The following PEX14 variants were observed in gnomAD, a reference collection of about 807,000 sequenced individuals.
The protein encoded by PEX14 is peroxisomal membrane protein PEX14.
PEX14 carries 15 observed loss-of-function variants against 49.5 expected under a neutral mutation model. That is an observed-to-expected ratio of 0.30 (90% confidence interval 0.20 to 0.47). PEX14 has a LOEUF of 0.47. Among genes scored for constraint, PEX14 ranks in the 20% least tolerant of loss-of-function variants. The pLI, the probability that PEX14 is intolerant of heterozygous loss-of-function variation, is 1.00. For missense variants in PEX14, 398 were observed against 494.8 expected (o/e 0.80, Z 1.86); for synonymous variants, 210 against 212.7 (o/e 0.99, Z 0.11).
intron 3 of PEX14, among the ~76,000 whole-genome samples, chr1:10,558,314 T>C (rs1446666256): frequency 1.3e-5 from 2 of 152,140 alleles, no homozygotes. Flanking sequence ...GGCCTGCTTG[T>C]ATATTTCTTA....
chr1:10,623,342 A>C lies in PEX14; in HGVS notation c.487+221A>C. On this transcript the variant is annotated intron_variant, in intron 6 of 8. Coordinates refer to ENST00000356607, the MANE Select transcript of PEX14 (RefSeq NM_004565.3). This position sits in a 1 kb window ranked among gnomAD's most constrained non-coding sequence, Gnocchi z 4.4. ...CCTCAATTAATTATGTTTTTACGGAAAGGCTCCCAACCTCAGAATATTAAT... is the reference window on the plus strand; with the variant it reads ...CCTCAATTAATTATGTTTTTACGGACAGGCTCCCAACCTCAGAATATTAAT... The C allele has an allele frequency of 1.9e-6, 1 of 514,730 alleles. No individual in the cohort carries two copies. Among genetic ancestry groups the C allele is most frequent in the Admixed American group, 2.9e-5 (1 of 34,410 alleles). The allele number at this position is 514,730 out of a possible 1,614,324, so 31.9% of individuals were successfully genotyped here.
intron 3 of PEX14, among the ~76,000 whole-genome samples, chr1:10,570,136 AT>A (rs538752883): frequency 4.6e-5 from 7 of 150,880 alleles, no homozygotes; most frequent in South Asian, 2.1e-4. Context: ...TCTTCTAATA[AT>A]TTTTTTTTCC....
At chr1:10,488,845 C>T (rs1265683739) in intron 1 of PEX14, among the ~76,000 whole-genome samples, 2 of 152,016 alleles carry the variant, frequency 1.3e-5, no homozygotes, top group East Asian at 1.9e-4. Flanking sequence ...CTTACTGTGA[C>T]ATGTTTTCAT....
chr1:10,626,483 G>C (rs898484387), intron 7 of PEX14, among the ~76,000 whole-genome samples: 22 of 152,268 alleles, frequency 1.4e-4, no homozygotes, highest in African/African-American at 5.1e-4. Context: ...CAGCTGGACT[G>C]CTTGCTGGGG....
intron 1 of PEX14, among the ~76,000 whole-genome samples, chr1:10,482,645 G>C (rs1475000218): frequency 6.6e-6 from 1 of 151,648 alleles, no homozygotes; most frequent in Non-Finnish European, 1.5e-5. Flanking sequence ...TGTTGGCCAG[G>C]ATGGTCTCGA....
chr1:10,533,301 TAAAC>T (rs1638701904), intron 2 of PEX14, among the ~76,000 whole-genome samples: 1 of 152,112 alleles, frequency 6.6e-6, no homozygotes, highest in Non-Finnish European at 1.5e-5. Flanking sequence ...AAGAGGAACA[TAAAC>T]AAGCCCCAAA....
chr1:10,544,664 C>G (rs754592629), intron 3 of PEX14, among the ~76,000 whole-genome samples: 2 of 152,168 alleles, frequency 1.3e-5, no homozygotes, highest in Non-Finnish European at 2.9e-5. Flanking sequence ...TTTCCTCCTA[C>G]CCCTTGGTAA....
chr1:10,518,170 G>A (rs899337725), intron 2 of PEX14, among the ~76,000 whole-genome samples: 6 of 151,964 alleles, frequency 3.9e-5, no homozygotes, highest in African/African-American at 1.5e-4. Flanking sequence ...ATCCCTCTTT[G>A]CTTCTTGTCA....
At chr1:10,547,282 C>G (rs960083992) in intron 3 of PEX14, among the ~76,000 whole-genome samples, 3 of 152,186 alleles carry the variant, frequency 2.0e-5, no homozygotes, top group African/African-American at 7.2e-5. Flanking sequence ...TCCTGCCTGC[C>G]CATCTGCTGA....
intron 1 of PEX14, among the ~76,000 whole-genome samples, chr1:10,486,361 T>G (rs1319971343): frequency 8.1e-6 from 1 of 123,302 alleles, no homozygotes; most frequent in Non-Finnish European, 1.8e-5. Context: ...GTTTGCTGAG[T>G]TTTTTTTTTT....
intron 4 of PEX14, among the ~76,000 whole-genome samples, chr1:10,616,193 G>T (rs1356899537): frequency 6.6e-6 from 1 of 152,098 alleles, no homozygotes; most frequent in Admixed American, 6.5e-5. Context: ...GGGGGAGGGG[G>T]TGTCTCCTTG....
In PEX14 at chr1:10,621,209, A is replaced by C. The variant is rs568818544; in HGVS notation, c.385-1810A>C. Reference sequence around the variant, plus strand: ...GAAATTAAAAAAAAAAAAAAAAAGAAATGGTAAAAAGCCCTCGACTGGCTT... The same window carrying C: ...GAAATTAAAAAAAAAAAAAAAAAGACATGGTAAAAAGCCCTCGACTGGCTT... On this transcript the variant is annotated intron_variant, in intron 5 of 8. Transcript: ENST00000356607. 2.0e-4 allele frequency among the ~76,000 whole-genome samples: 30 copies of C among 152,126 alleles called. No homozygotes were observed. In the East Asian group the frequency reaches 4.2e-3, roughly 22 times the overall value.
At chr1:10,589,879 T>A (rs1640608668) in intron 3 of PEX14, among the ~76,000 whole-genome samples, 1 of 152,248 alleles carries the variant, frequency 6.6e-6, no homozygotes, top group Admixed American at 6.5e-5. Context: ...GGCATCCTCT[T>A]GTTTAAAAGC....
At chr1:10,592,081 C>G (rs1166156695) in intron 3 of PEX14, among the ~76,000 whole-genome samples, 1 of 152,180 alleles carries the variant, frequency 6.6e-6, no homozygotes, top group African/African-American at 2.4e-5. Flanking sequence ...CCTTCATGAC[C>G]TCTTCTGAAA....
intron 2 of PEX14, among the ~76,000 whole-genome samples, chr1:10,508,458 T>C (rs1021485487): frequency 2.0e-5 from 3 of 152,192 alleles, no homozygotes; most frequent in African/African-American, 4.8e-5. Context: ...CCCAAAGTGC[T>C]GGGGTTACAG....
rs1641643509 is a variant in PEX14, at chr1:10,500,045, A to G, written c.84+4724A>G. 2.6e-5 allele frequency among the ~76,000 whole-genome samples: 4 copies of G among 152,066 alleles called. No homozygotes were observed. The South Asian group carries it at 8.3e-4, about 32-fold the overall frequency. On this transcript the variant is annotated intron_variant, in intron 2 of 8. Transcript: ENST00000356607. ...AGATTTTCTCTTTGGTTTACAAGCC[A>G]ATTAACCAGAGGCTGGTAATCAGAA...
chr1:10,574,492 A>G (rs1315102936), intron 3 of PEX14, among the ~76,000 whole-genome samples: 1 of 152,216 alleles, frequency 6.6e-6, no homozygotes, highest in African/African-American at 2.4e-5. Flanking sequence ...ATATTAAACC[A>G]TGTATATCAT....
intron 3 of PEX14, among the ~76,000 whole-genome samples, chr1:10,586,628 C>CT (rs35743829): frequency 0.24 from 22,397 of 92,768 alleles, 7,083 homozygotes; most frequent in Non-Finnish European, 0.37. Context: ...AGCCGTTTAC[C>CT]TTTTTTTTTT....
intron 2 of PEX14, among the ~76,000 whole-genome samples, chr1:10,531,548 C>T (rs938642323): frequency 6.6e-6 from 1 of 152,040 alleles, no homozygotes; most frequent in African/African-American, 2.4e-5. Context: ...TGGAGCAGTG[C>T]GGCGCTGGAA....
Sources: allele counts gnomAD v4.1 joint callset (sites outside exome capture counted in the v4.1 genomes callset), GRCh38; gene constraint gnomAD v4.1.1; non-coding constraint Gnocchi (gnomAD v3.1); transcripts MANE v1.5; gene names NCBI Gene and HGNC (gene_info 2026-07-23, HGNC 2026-07-21).